The following RAB33B variants were observed in gnomAD, a reference collection of about 807,000 sequenced individuals.
RAB33B encodes RAB33B, member RAS oncogene family, also known as ras-related protein Rab-33B.
In RAB33B, 6 loss-of-function variants were observed where a neutral mutation model predicts 15.0. The observed-to-expected ratio is 0.40, with a 90% confidence interval of 0.22 to 0.79. RAB33B has a LOEUF of 0.79. Ranked by LOEUF, RAB33B falls within the 30% of genes least tolerant of loss-of-function variation. The pLI, the probability that RAB33B is intolerant of heterozygous loss-of-function variation, is 0.37. For synonymous variants in RAB33B, 117 were observed against 108.3 expected (o/e 1.08, Z -0.50); for missense variants, 257 against 296.4 (o/e 0.87, Z 0.98).
chr4:139,442,953 A>C, the RAB33B span, among the ~76,000 whole-genome samples: 1 of 151,946 alleles, frequency 6.6e-6, no homozygotes, highest in African/African-American at 2.4e-5. Flanking sequence ...CAAAATGCTA[A>C]GGACTCTAAT....
chr4:139,472,516 G>A (rs771454529), intron 1 of RAB33B, among the ~76,000 whole-genome samples, 170 bp from the exon 2 acceptor site: 1 of 152,166 alleles, frequency 6.6e-6, no homozygotes, highest in East Asian at 1.9e-4. Context: ...GAGGTAACTG[G>A]TATCATGAAG....
chr4:139,447,650 G>C, the RAB33B span, among the ~76,000 whole-genome samples: 3 of 142,234 alleles, frequency 2.1e-5, no homozygotes, highest in South Asian at 7.0e-4. Context: ...GATGAAATCA[G>C]TCTACTACTT....
chr4:139,439,858 A>G, the RAB33B span, among the ~76,000 whole-genome samples: 1 of 152,068 alleles, frequency 6.6e-6, no homozygotes, highest in Admixed American at 6.5e-5. Context: ...TTTTAGCTCC[A>G]GAATTTCTTT....
chr4:139,459,531 C>T (rs1750129583), intron 1 of RAB33B, among the ~76,000 whole-genome samples: 1 of 152,150 alleles, frequency 6.6e-6, no homozygotes, highest in Non-Finnish European at 1.5e-5. Flanking sequence ...ATTTCTATCT[C>T]ATTGCATACA....
At chr4:139,443,552 G>A in the RAB33B span, among the ~76,000 whole-genome samples, 1 of 152,188 alleles carries the variant, frequency 6.6e-6, no homozygotes, top group Non-Finnish European at 1.5e-5. Flanking sequence ...CTTATCTCCT[G>A]TAGAGAAAGA....
chr4:139,466,728 G>A (rs1448401552), intron 1 of RAB33B, among the ~76,000 whole-genome samples: 2 of 151,948 alleles, frequency 1.3e-5, no homozygotes, highest in East Asian at 1.9e-4. Context: ...ACAGGTGCAT[G>A]CCACCATGCC....
upstream of RAB33B, chr4:139,450,314 A>G (rs1001876015): frequency 6.6e-6 from 1 of 152,264 alleles, no homozygotes; most frequent in Non-Finnish European, 1.5e-5. Context: ...TACCAAACAC[A>G]GTGATATAGT....
chr4:139,465,803 C>T (rs1243826975), intron 1 of RAB33B, among the ~76,000 whole-genome samples: 1 of 149,858 alleles, frequency 6.7e-6, no homozygotes, highest in African/African-American at 2.5e-5. Context: ...GATTATGGCT[C>T]ACTGCAGCCT....
intron 1 of RAB33B, among the ~76,000 whole-genome samples, chr4:139,470,802 G>A (rs1412170185): frequency 2.0e-5 from 3 of 152,008 alleles, no homozygotes; most frequent in Non-Finnish European, 4.4e-5. Flanking sequence ...GTTCCCTTCT[G>A]CCCAAGGTGT....
At chr4:139,459,631 CTT>C (rs377126007) in intron 1 of RAB33B, among the ~76,000 whole-genome samples, 5 of 142,636 alleles carry the variant, frequency 3.5e-5, no homozygotes, top group Admixed American at 1.4e-4. Flanking sequence ...TAGTTCAGTT[CTT>C]TTTTTTTTTT....
At chr4:139,455,372 G>T (rs1450210087) in intron 1 of RAB33B, among the ~76,000 whole-genome samples, 9 of 152,108 alleles carry the variant, frequency 5.9e-5, no homozygotes, top group Non-Finnish European at 7.4e-5. Flanking sequence ...TTAAATCAGC[G>T]ATCGTCTTTA....
At chr4:139,450,514 CA>C (rs965768989), upstream of RAB33B, 7 of 152,170 alleles carry the variant, frequency 4.6e-5, no homozygotes, top group African/African-American at 1.7e-4. Flanking sequence ...TTTTTGTCCC[CA>C]AGGGGCATCT....
upstream of RAB33B, chr4:139,449,443 G>A (rs1246280801): frequency 3.3e-5 from 5 of 152,198 alleles, no homozygotes; most frequent in African/African-American, 9.7e-5. Context: ...GTGTCTGTGA[G>A]AGTGTTACCA....
At chr4:139,447,684 T>G in the RAB33B span, among the ~76,000 whole-genome samples, 1 of 138,374 alleles carries the variant, frequency 7.2e-6, no homozygotes, top group African/African-American at 3.1e-5. Context: ...TTTTTTTTTT[T>G]GAGACAGAGT....
At chr4:139,469,545 T>G (rs1008738520) in intron 1 of RAB33B, among the ~76,000 whole-genome samples, 3 of 152,230 alleles carry the variant, frequency 2.0e-5, no homozygotes, top group Non-Finnish European at 2.9e-5. Context: ...CTGGATGGTG[T>G]TGATGCTAAC....
intron 1 of RAB33B, among the ~76,000 whole-genome samples, chr4:139,464,124 G>A (rs923008661): frequency 2.6e-5 from 4 of 152,048 alleles, no homozygotes; most frequent in Non-Finnish European, 4.4e-5. Flanking sequence ...TCTACAAAAA[G>A]TAAAAACTTA....
At chr4:139,469,940 A>G (rs995505051) in intron 1 of RAB33B, among the ~76,000 whole-genome samples, 2 of 152,164 alleles carry the variant, frequency 1.3e-5, no homozygotes, top group Admixed American at 6.5e-5. Context: ...CTATGACTGC[A>G]CTAGGTCAAA....
chr4:139,460,813 G>A (rs879020331), intron 1 of RAB33B, among the ~76,000 whole-genome samples: 1 of 152,212 alleles, frequency 6.6e-6, no homozygotes, highest in Admixed American at 6.5e-5. Context: ...CTGGCATGGT[G>A]TAAGTAATAT....
chr4:139,472,938 G>A lies in RAB33B; in HGVS notation c.502G>A (p.Asp168Asn), dbSNP rs1579183742. Reference protein sequence around the residue: ...VPTDLAQKFADTHSMPLFETS... With the variant: ...VPTDLAQKFANTHSMPLFETS... ...CACAGACTTGGCACAAAAATTTGCT[G>A]ACACACACAGTATGCCTTTGTTTGA... The change falls in exon 2 of 2, where the codon GAC becomes AAC. Residue 168 changes from aspartate (D) to asparagine (N), a missense_variant. Transcript: ENST00000305626. 6.2e-7 allele frequency: 1 copy of A among 1,614,166 alleles called. No individual in the cohort carries two copies. Among genetic ancestry groups the A allele is most frequent in the Non-Finnish European group, 8.5e-7 (1 of 1,180,018 alleles).
Sources: allele counts gnomAD v4.1 joint callset (sites outside exome capture counted in the v4.1 genomes callset), GRCh38; gene constraint gnomAD v4.1.1; transcripts MANE v1.5; gene names NCBI Gene and HGNC (gene_info 2026-07-23, HGNC 2026-07-21).